Variants in WDR25 observed in about 807,000 individuals in gnomAD.
The protein encoded by WDR25 is WD repeat-containing protein 25.
A neutral mutation model predicts 47.7 loss-of-function variants in WDR25; 35 were observed. The observed-to-expected ratio is 0.73, with a 90% CI of 0.56 to 0.97. The LOEUF is 0.97. WDR25 is among the 50% of genes least tolerant of loss of function. The probability of loss-of-function intolerance (pLI) is 0.00; values close to 1 mark genes in which losing one functional copy is unlikely to be tolerated. For synonymous variants in WDR25, 248 were observed against 278.9 expected, an observed-to-expected ratio of 0.89 and a Z score of 1.10; for missense variants, 634 against 704.7, an observed-to-expected ratio of 0.90 and a Z score of 1.14.
At position 100,382,278 on chromosome 14, in the gene WDR25, A is replaced by T. The variant is rs1053980704; in HGVS notation, c.822+532A>T. The T allele has an allele frequency of 2.4e-5, 16 of 666,166 alleles. No homozygotes were observed. In the African/African-American group the frequency reaches 2.7e-4, roughly 11 times the overall value. 41.3% of individuals were successfully genotyped at this position (666,166 alleles called of 1,614,324 possible). A position where few individuals can be genotyped will look rare whatever the true frequency, so the allele number is the denominator to read the frequency against. ...GGACACACAGGTGCTCTGGGAGCCC[A>T]ACGGGAGGGTTACCAGCCCAGCCCG... On this transcript the variant is annotated intron_variant, in intron 2 of 6. Coordinates refer to ENST00000402312, the MANE Select transcript of WDR25 (RefSeq NM_001161476.3).
Position 100,529,771 on chromosome 14 carries a change from C to G in WDR25, c.1414-49C>G, listed in dbSNP as rs563601350. 8 of 1,580,862 alleles carry G rather than the reference C, an allele frequency of 5.1e-6. No individual in the cohort carries two copies. The South Asian group carries it at 9.2e-5, about 18-fold the overall frequency. ...TCCTCTGTAGAATGGGCATACTCACCCCGGCTTGACAGGTGCGGCTTGCTC... is the reference window on the plus strand; with the variant it reads ...TCCTCTGTAGAATGGGCATACTCACGCCGGCTTGACAGGTGCGGCTTGCTC... On this transcript the variant is annotated intron_variant, in intron 6 of 6. Coordinates refer to ENST00000402312, the MANE Select transcript of WDR25 (RefSeq NM_001161476.3). This position sits in a 1 kb window ranked among gnomAD's most constrained non-coding sequence, Gnocchi z 5.1.
rs1269730691 is a variant in WDR25, at chr14:100,463,004, TC to T, written c.823-5012del. 7.6e-3 allele frequency among the ~76,000 whole-genome samples: 411 copies of T among 54,114 alleles called. 20 individuals carry two copies. The highest frequency in any genetic ancestry group is 0.032 in the African/African-American group (289 of 9,070). 35.5% of individuals were successfully genotyped at this position (54,114 alleles called of 152,430 possible). On this transcript the variant is annotated intron_variant, in intron 2 of 6. Transcript: ENST00000402312. ...TTTTCCCTTCTCCCCTTCTCTTCTCTCCCCCTTCCTCTCCCCCTTGCTCCTT... is the reference window on the plus strand; with the variant it reads ...TTTTCCCTTCTCCCCTTCTCTTCTCTCCCCTTCCTCTCCCCCTTGCTCCTT...
Position 100,488,279 on chromosome 14 carries a change from A to G in WDR25, c.1101+4155A>G, listed in dbSNP as rs1026235161. ...ACTGGCTTCCTGCCGCTGCTGCAGC[A>G]TCCTCTGACCCCTCTTCCTCCCAGC... On this transcript the variant is annotated intron_variant, in intron 4 of 6. Coordinates refer to ENST00000402312, the MANE Select transcript of WDR25 (RefSeq NM_001161476.3). The surrounding 1 kb of genome is among the most constrained non-coding windows in gnomAD (Gnocchi z 4.2). Among the ~76,000 whole-genome samples, 88 of 152,128 alleles carry G rather than the reference A, an allele frequency of 5.8e-4. 2 individuals carry two copies. The highest frequency in any genetic ancestry group is 5.4e-3 in the Admixed American group (82 of 15,272).
intron 2 of WDR25, among the ~76,000 whole-genome samples, chr14:100,442,471 C>T (rs1243980905): frequency 6.6e-6 from 1 of 152,194 alleles, no homozygotes; most frequent in Non-Finnish European, 1.5e-5. Context: ...ATGTTATTAA[C>T]ATTTTATATG....
At chr14:100,423,114 G>A (rs539980466) in intron 2 of WDR25, among the ~76,000 whole-genome samples, 2 of 152,288 alleles carry the variant, frequency 1.3e-5, no homozygotes, top group East Asian at 3.9e-4. Flanking sequence ...ATGCCCTGAA[G>A]CTTGCTTTCT....
At position 100,378,786 on chromosome 14, in the gene WDR25, G is replaced by A. The variant is rs1415960753; in HGVS notation, c.-15-2124G>A. Among the ~76,000 whole-genome samples the A allele has an allele frequency of 1.4e-4, 6 of 43,624 alleles. 1 individual carries two copies. The highest frequency in any genetic ancestry group is 3.3e-4 in the African/African-American group (6 of 18,250). 28.6% of individuals were successfully genotyped at this position (43,624 alleles called of 152,430 possible). ...ATCCCGGCTAAAACGGTGAAACCCC[G>A]TCTCTACTAAAAATACAAAAAATTA... On this transcript the variant is annotated intron_variant, in intron 1 of 6. Transcript: ENST00000402312.
chr14:100,461,055 T>TAA (rs147982147), intron 2 of WDR25, among the ~76,000 whole-genome samples: 7,434 of 151,902 alleles, frequency 0.049, 586 homozygotes, highest in African/African-American at 0.17. Flanking sequence ...TCTACAAAAA[T>TAA]AAAAATAAAA....
Position 100,449,641 on chromosome 14 carries a change from G to C in WDR25, c.823-18380G>C, listed in dbSNP as rs185585540. Among the ~76,000 whole-genome samples, 3 of 152,218 alleles carry C rather than the reference G, an allele frequency of 2.0e-5. No homozygotes were observed. The highest frequency in any genetic ancestry group is 2.9e-5 in the Non-Finnish European group (2 of 68,030). On this transcript the variant is annotated intron_variant, in intron 2 of 6. Coordinates refer to ENST00000402312, the MANE Select transcript of WDR25 (RefSeq NM_001161476.3). This position sits in a 1 kb window ranked among gnomAD's most constrained non-coding sequence, Gnocchi z 4.2. Reference sequence around the variant, plus strand: ...TTGGAGGCCATTAAAACTAAATCAGGTGATGCTTCCAGGAGCCCCCACTCA... The same window carrying C: ...TTGGAGGCCATTAAAACTAAATCAGCTGATGCTTCCAGGAGCCCCCACTCA...
intron 4 of WDR25, among the ~76,000 whole-genome samples, chr14:100,493,047 G>A (rs1009607453): frequency 1.3e-5 from 2 of 152,202 alleles, no homozygotes; most frequent in African/African-American, 4.8e-5. Context: ...CTGGCCTCAA[G>A]CGATTCTCCT....
intron 2 of WDR25, among the ~76,000 whole-genome samples, chr14:100,400,950 G>C (rs1419847961): frequency 6.6e-6 from 1 of 152,126 alleles, no homozygotes; most frequent in African/African-American, 2.4e-5. Context: ...TTTGAAATTA[G>C]CATAGTAAAT....
intron 2 of WDR25, among the ~76,000 whole-genome samples, chr14:100,433,086 G>A (rs1382866006): frequency 6.6e-6 from 1 of 152,208 alleles, no homozygotes; most frequent in Non-Finnish European, 1.5e-5. Context: ...ATGTTGTTAT[G>A]CAGCACATGA....
At chr14:100,479,573 T>C (rs1351423943) in intron 3 of WDR25, among the ~76,000 whole-genome samples, 1 of 152,158 alleles carries the variant, frequency 6.6e-6, no homozygotes, top group Non-Finnish European at 1.5e-5. Flanking sequence ...CCTTGATGAC[T>C]TAAAAAATCT....
At chr14:100,509,294 T>C (rs969529329) in intron 4 of WDR25, among the ~76,000 whole-genome samples, 1 of 152,212 alleles carries the variant, frequency 6.6e-6, no homozygotes, top group Non-Finnish European at 1.5e-5. Flanking sequence ...CTTTAGTTGT[T>C]TTTGTTATCT....
intron 2 of WDR25, among the ~76,000 whole-genome samples, chr14:100,395,886 G>C (rs1897247903): frequency 6.6e-6 from 1 of 151,580 alleles, no homozygotes; most frequent in Non-Finnish European, 1.5e-5. Flanking sequence ...TTCGGGATTG[G>C]TTAAATGTCG....
chr14:100,388,342 T>C (rs575105801), intron 2 of WDR25, among the ~76,000 whole-genome samples: 1 of 152,324 alleles, frequency 6.6e-6, no homozygotes, highest in East Asian at 1.9e-4. Flanking sequence ...CGTGCATGCA[T>C]AGCGTTCATC....
Position 100,399,666 on chromosome 14 carries a change from T to C in WDR25, c.822+17920T>C, listed in dbSNP as rs912548666. ...GCTTTCCGGATGCTTCTAACGATGA[T>C]GACGCAGATAATATTGATTTCTAGA... On this transcript the variant is annotated intron_variant, in intron 2 of 6. Coordinates refer to ENST00000402312, the MANE Select transcript of WDR25 (RefSeq NM_001161476.3). Among the ~76,000 whole-genome samples, 17 of 152,218 alleles carry C rather than the reference T, an allele frequency of 1.1e-4. 1 individual carries two copies. Among genetic ancestry groups the C allele is most frequent in the African/African-American group, 4.1e-4 (17 of 41,460 alleles).
At chr14:100,465,705 C>T (rs1899606908) in intron 2 of WDR25, among the ~76,000 whole-genome samples, 1 of 152,138 alleles carries the variant, frequency 6.6e-6, no homozygotes, top group Non-Finnish European at 1.5e-5. Flanking sequence ...CTGGTTTCAG[C>T]TTTTTGGGCA....
rs993671533 is a variant in WDR25 at position 100,488,583 on chromosome 14, C to T, written c.1101+4459C>T. ...TCCAAAGTAGCGTTTCTCAAACTCA[C>T]CTGTGTAGGAGAGCACCTGGGCTCT... On this transcript the variant is annotated intron_variant, in intron 4 of 6. Coordinates refer to ENST00000402312, the MANE Select transcript of WDR25 (RefSeq NM_001161476.3). The surrounding 1 kb of genome is among the most constrained non-coding windows in gnomAD (Gnocchi z 4.2). 6.6e-6 allele frequency among the ~76,000 whole-genome samples: 1 copy of T among 152,140 alleles called. No homozygotes were observed. The highest frequency in any genetic ancestry group is 2.4e-5 in the African/African-American group (1 of 41,442).
In WDR25 at chr14:100,387,858, G is replaced by A. The variant is rs186592661; in HGVS notation, c.822+6112G>A. The stretch of plus-strand genomic sequence containing the variant: ...CCCAGCTTCCAAATTTTGTGGTTCT[G>A]TTAAGGGACATACAGAGAAGAGATG... On this transcript the variant is annotated intron_variant, in intron 2 of 6. Transcript: ENST00000402312. Among the ~76,000 whole-genome samples, 62 of 152,362 alleles carry A rather than the reference G, an allele frequency of 4.1e-4. 1 individual carries two copies. Among genetic ancestry groups the A allele is most frequent in the African/African-American group, 1.4e-3 (57 of 41,580 alleles).
Sources: gnomAD v4.1 joint callset for allele counts (sites outside exome capture counted in the v4.1 genomes callset) on GRCh38, gnomAD v4.1.1 for gene constraint, Gnocchi (gnomAD v3.1) non-coding constraint, MANE v1.5 for transcripts, NCBI Gene and HGNC (gene_info 2026-07-23, HGNC 2026-07-21) for gene names.